SPMAP1: variants seen among roughly 807,000 people sequenced by gnomAD.
SPMAP1 encodes sperm microtubule associated protein 1, also known as uncharacterized protein C17orf98.
chr17:38,839,327 T>C, the SPMAP1 span, among the ~76,000 whole-genome samples: 5 of 150,494 alleles, frequency 3.3e-5, no homozygotes, highest in African/African-American at 9.8e-5. Flanking sequence ...CTGGGCAACA[T>C]GGTGAAACCC....
the SPMAP1 span, among the ~76,000 whole-genome samples, chr17:38,836,070 A>T: frequency 6.6e-6 from 1 of 152,022 alleles, no homozygotes; most frequent in African/African-American, 2.4e-5. Flanking sequence ...GCCTGCCACC[A>T]CGCCCGGCTA....
chr17:38,837,169 G>C, the SPMAP1 span: 1 of 1,613,520 alleles, frequency 6.2e-7, no homozygotes, highest in Non-Finnish European at 8.5e-7. Context: ...TCCTGTTGAG[G>C]TATCTTTGTC....
At chr17:38,841,262 T>C in the SPMAP1 span, 3 of 1,614,050 alleles carry the variant, frequency 1.9e-6, no homozygotes, top group Non-Finnish European at 2.5e-6. Flanking sequence ...CTGCGCGTTG[T>C]AGGGCGGAAT....
At chr17:38,839,517 G>A in the SPMAP1 span, among the ~76,000 whole-genome samples, 9 of 150,280 alleles carry the variant, frequency 6.0e-5, no homozygotes, top group South Asian at 4.2e-4. Flanking sequence ...GGCCGGGCAC[G>A]GTGGCTCACA....
chr17:38,837,382 T>C, the SPMAP1 span: 1 of 674,360 alleles, frequency 1.5e-6, no homozygotes, highest in Non-Finnish European at 2.7e-6. Flanking sequence ...AGATTAAATA[T>C]ATTTAAGAAC....
At chr17:38,840,268 C>G in the SPMAP1 span, among the ~76,000 whole-genome samples, 1 of 152,310 alleles carries the variant, frequency 6.6e-6, no homozygotes, top group Non-Finnish European at 1.5e-5. Flanking sequence ...TTCCCTTTGT[C>G]TTGCTCACTG....
the SPMAP1 span, chr17:38,837,362 T>C: frequency 2.8e-6 from 2 of 725,156 alleles, no homozygotes; most frequent in Non-Finnish European, 5.0e-6. Flanking sequence ...CTTAGGTAAC[T>C]GGTGCAGACA....
the SPMAP1 span, chr17:38,837,127 G>T: frequency 6.3e-7 from 1 of 1,576,526 alleles, no homozygotes. Flanking sequence ...GCTAGAAATG[G>T]AGGCAGCACT....
the SPMAP1 span, among the ~76,000 whole-genome samples, chr17:38,836,787 G>T: frequency 6.6e-6 from 1 of 151,672 alleles, no homozygotes; most frequent in Non-Finnish European, 1.5e-5. Context: ...GTAGAGACAG[G>T]GTTCAACCAG....
chr17:38,835,413 G>T, the SPMAP1 span: 1 of 1,560,324 alleles, frequency 6.4e-7, no homozygotes, highest in Non-Finnish European at 8.8e-7. Context: ...CCATTCCCCT[G>T]GGTGTGGTAT....
the SPMAP1 span, among the ~76,000 whole-genome samples, chr17:38,836,577 CTTTCTTTCTTTT>C: frequency 1.3e-3 from 117 of 89,150 alleles, no homozygotes; most frequent in East Asian, 0.01. Context: ...TTCTTTCTTT[CTTTCTTTCTTTT>C]TTTTTTTTTT....
the SPMAP1 span, chr17:38,841,172 A>G: frequency 2.5e-6 from 4 of 1,599,114 alleles, no homozygotes; most frequent in Non-Finnish European, 3.4e-6. Context: ...TCTTCCGGGA[A>G]GCTCCTATAC....
At chr17:38,835,122 A>C in the SPMAP1 span, 2 of 1,528,932 alleles carry the variant, frequency 1.3e-6, no homozygotes, top group Non-Finnish European at 1.8e-6. Flanking sequence ...GTAAAATAAC[A>C]CTAAGAGTTC....
chr17:38,836,937 A>G, the SPMAP1 span, among the ~76,000 whole-genome samples: 35 of 151,176 alleles, frequency 2.3e-4, no homozygotes, highest in African/African-American at 8.3e-4. Flanking sequence ...TGATAGAGTG[A>G]GACCACGTCT....
the SPMAP1 span, among the ~76,000 whole-genome samples, chr17:38,838,887 C>G: frequency 6.6e-6 from 1 of 151,894 alleles, no homozygotes; most frequent in Non-Finnish European, 1.5e-5. Context: ...GAGTTCGAGA[C>G]CAGCCTGGCC....
chr17:38,839,504 T>C, the SPMAP1 span, among the ~76,000 whole-genome samples: 1 of 139,040 alleles, frequency 7.2e-6, no homozygotes, highest in Non-Finnish European at 1.6e-5. Context: ...AAAAGAAAAA[T>C]TGGGCCGGGC....
chr17:38,841,184 T>G, the SPMAP1 span: 1 of 1,613,284 alleles, frequency 6.2e-7, no homozygotes, highest in Non-Finnish European at 8.5e-7. Flanking sequence ...CTCCTATACC[T>G]GATCAGTTTT....
chr17:38,840,213 A>G, the SPMAP1 span, among the ~76,000 whole-genome samples: 1 of 152,170 alleles, frequency 6.6e-6, no homozygotes, highest in Admixed American at 6.6e-5. Flanking sequence ...CCCTGCCACT[A>G]TGATGTCACA....
At chr17:38,838,728 G>A in the SPMAP1 span, among the ~76,000 whole-genome samples, 1 of 152,264 alleles carries the variant, frequency 6.6e-6, no homozygotes, top group East Asian at 1.9e-4. Context: ...GCAGTGAGCT[G>A]TGCCACTGCA....
Sources: gnomAD v4.1 joint callset for allele counts (sites outside exome capture counted in the v4.1 genomes callset) on GRCh38, gnomAD v4.1.1 for gene constraint, MANE v1.5 for transcripts, NCBI Gene and HGNC (gene_info 2026-07-23, HGNC 2026-07-21) for gene names.